BMPR1B: variants seen among roughly 807,000 people sequenced by gnomAD.
The protein encoded by BMPR1B is bone morphogenetic protein receptor type-1B.
Under a neutral mutation model 59.1 loss-of-function variants are expected in BMPR1B, and 12 were observed. That is an observed-to-expected ratio of 0.20 (90% confidence interval 0.13 to 0.33). The LOEUF is 0.33. BMPR1B is among the 10% of genes least tolerant of loss of function. The probability of loss-of-function intolerance (pLI) is 1.00; values close to 1 mark genes in which losing one functional copy is unlikely to be tolerated. For missense variants in BMPR1B, 550 were observed against 610.9 expected (o/e 0.90, Z 1.05); for synonymous variants, 237 against 207.3 (o/e 1.14, Z -1.23).
At position 95,135,813 on chromosome 4, in the gene BMPR1B, G is replaced by T. The variant is rs371229619; in HGVS notation, c.1076+4301G>T. On this transcript the variant is annotated intron_variant, in intron 10 of 12. Coordinates refer to ENST00000515059, the MANE Select transcript of BMPR1B (RefSeq NM_001203.3). ...TACAATCATGTCATCTGCAAACAGG[G>T]ACAATTTAACTTCCTCTTTTCCTAA... is the stretch of plus-strand genomic sequence containing the variant. 1.3e-4 allele frequency among the ~76,000 whole-genome samples: 20 copies of T among 152,144 alleles called. No individual in the cohort carries two copies. In the East Asian group the frequency reaches 3.9e-3, roughly 29 times the overall value.
intron 3 of BMPR1B, among the ~76,000 whole-genome samples, chr4:95,011,468 C>T (rs374998248): frequency 2.6e-5 from 4 of 152,228 alleles, no homozygotes; most frequent in East Asian, 3.9e-4. Context: ...CTTCCATCTT[C>T]GGTGACACAT....
At chr4:94,916,635 T>C (rs1364948566) in intron 2 of BMPR1B, among the ~76,000 whole-genome samples, 1 of 152,348 alleles carries the variant, frequency 6.6e-6, no homozygotes, top group East Asian at 1.9e-4. Flanking sequence ...AATTGGAATT[T>C]ATATTTCAAC....
intron 2 of BMPR1B, among the ~76,000 whole-genome samples, chr4:94,934,387 C>T (rs1462766814): frequency 1.3e-5 from 2 of 151,624 alleles, no homozygotes; most frequent in East Asian, 1.9e-4. Context: ...TATGTATACA[C>T]CAATCTACCG....
intron 1 of BMPR1B, among the ~76,000 whole-genome samples, chr4:94,792,993 T>C (rs1373727131): frequency 1.5e-5 from 2 of 133,824 alleles, no homozygotes; most frequent in Non-Finnish European, 3.1e-5. Flanking sequence ...AATAGAAGGA[T>C]CTATAGAAAA....
In BMPR1B at chr4:94,780,823, G is replaced by A. The variant is rs533422724; in HGVS notation, c.-183+22755G>A. Among the ~76,000 whole-genome samples the A allele has an allele frequency of 6.6e-5, 10 of 151,524 alleles. No homozygotes were observed. In the South Asian group the frequency reaches 2.1e-3, roughly 32 times the overall value. On this transcript the variant is annotated intron_variant, in intron 1 of 12. Transcript: ENST00000515059. The stretch of plus-strand genomic sequence containing the variant: ...CCTGCCTCAGCCTCCTGAGTAGCTG[G>A]GACTATAGGTGCCCACCACCATGTC...
At chr4:95,015,074 A>C (rs1180710422) in intron 3 of BMPR1B, among the ~76,000 whole-genome samples, 1 of 152,170 alleles carries the variant, frequency 6.6e-6, no homozygotes, top group Non-Finnish European at 1.5e-5. Flanking sequence ...AAGAACACTG[A>C]CATGTTTTTT....
intron 3 of BMPR1B, among the ~76,000 whole-genome samples, chr4:95,098,788 C>T (rs546237928): frequency 1.3e-5 from 2 of 152,204 alleles, no homozygotes; most frequent in Admixed American, 1.3e-4. Context: ...GCGATCTGGG[C>T]TCACTGCAAG....
intron 7 of BMPR1B, 113 bp from the exon 8 acceptor site, chr4:95,124,870 G>C: frequency 1.0e-6 from 1 of 953,718 alleles, no homozygotes; most frequent in South Asian, 1.5e-5. Flanking sequence ...AGCATTTAAT[G>C]TATTATATTT....
At chr4:94,827,544 A>C (rs1441514355) in intron 1 of BMPR1B, among the ~76,000 whole-genome samples, 1 of 152,182 alleles carries the variant, frequency 6.6e-6, no homozygotes, top group Non-Finnish European at 1.5e-5. Context: ...GCATGTGAGC[A>C]GACAAAAATG....
intron 3 of BMPR1B, among the ~76,000 whole-genome samples, chr4:95,041,786 G>A (rs1725671173): frequency 6.6e-6 from 1 of 152,116 alleles, no homozygotes; most frequent in African/African-American, 2.4e-5. Context: ...CGCACAGGGT[G>A]GCAGTGAGGA....
intron 1 of BMPR1B, among the ~76,000 whole-genome samples, chr4:94,764,016 TC>T (rs767452383): frequency 1.3e-5 from 2 of 152,244 alleles, no homozygotes; most frequent in Non-Finnish European, 2.9e-5. Flanking sequence ...TTTTTATGTA[TC>T]TAGTAATTTT....
chr4:95,089,786 G>C (rs185373744), intron 3 of BMPR1B, among the ~76,000 whole-genome samples: 10 of 152,010 alleles, frequency 6.6e-5, no homozygotes, highest in Non-Finnish European at 1.0e-4. Context: ...ACAAATCAAA[G>C]CAAAGTAGAT....
chr4:94,930,032 T>G (rs1729036511), intron 2 of BMPR1B, among the ~76,000 whole-genome samples: 1 of 152,128 alleles, frequency 6.6e-6, no homozygotes, highest in African/African-American at 2.4e-5. Flanking sequence ...TCCTTAATAC[T>G]TCTCAGGTAT....
intron 3 of BMPR1B, among the ~76,000 whole-genome samples, chr4:95,007,348 C>T (rs1263017927): frequency 6.6e-6 from 1 of 152,104 alleles, no homozygotes; most frequent in Admixed American, 6.6e-5. Context: ...TATAGTTATT[C>T]TGTTAGCTTT....
Position 94,944,746 on chromosome 4 carries a change from A to T in BMPR1B, c.-112-51294A>T, listed in dbSNP as rs930181079. 5.3e-5 allele frequency among the ~76,000 whole-genome samples: 8 copies of T among 152,246 alleles called. No homozygotes were observed. In the East Asian group the frequency reaches 7.7e-4, roughly 15 times the overall value. On this transcript the variant is annotated intron_variant, in intron 2 of 12. Coordinates refer to ENST00000515059, the MANE Select transcript of BMPR1B (RefSeq NM_001203.3). ...TTACCTGCCTTTAGTGATTTTTTTT[A>T]AAAATGAACTTATTGCCTTATTGTA...
intron 3 of BMPR1B, among the ~76,000 whole-genome samples, chr4:95,099,605 C>T (rs1730675593): frequency 6.6e-6 from 1 of 151,608 alleles, no homozygotes; most frequent in Non-Finnish European, 1.5e-5. Context: ...CACGCGCGCA[C>T]ACGCACACAC....
chr4:94,983,126 A>C (rs992698365), intron 2 of BMPR1B, among the ~76,000 whole-genome samples: 7 of 152,266 alleles, frequency 4.6e-5, no homozygotes, highest in African/African-American at 1.7e-4. Context: ...GCTCTTTCTC[A>C]CCATTCAGGT....
At chr4:94,833,678 T>A (rs1410549789) in intron 1 of BMPR1B, among the ~76,000 whole-genome samples, 1 of 152,152 alleles carries the variant, frequency 6.6e-6, no homozygotes, top group Non-Finnish European at 1.5e-5. Context: ...CTGTGTTCCT[T>A]ATAGAATTTT....
chr4:94,894,177 A>G (rs1727498523), intron 2 of BMPR1B, among the ~76,000 whole-genome samples: 1 of 151,972 alleles, frequency 6.6e-6, no homozygotes, highest in Non-Finnish European at 1.5e-5. Flanking sequence ...CTTTTTTCCA[A>G]CGAGATGCAT....
Sources: gnomAD v4.1 joint callset for allele counts (sites outside exome capture counted in the v4.1 genomes callset) on GRCh38, gnomAD v4.1.1 for gene constraint, MANE v1.5 for transcripts, NCBI Gene and HGNC (gene_info 2026-07-23, HGNC 2026-07-21) for gene names.